DYNC1I1: variants seen among roughly 807,000 people sequenced by gnomAD.
The protein encoded by DYNC1I1 is cytoplasmic dynein 1 intermediate chain 1.
A neutral mutation model predicts 86.6 loss-of-function variants in DYNC1I1; 43 were observed. The ratio of observed to expected loss-of-function variants is 0.50; its 90% CI spans 0.39 to 0.64. The LOEUF is 0.64. Ranked by LOEUF, DYNC1I1 falls within the 30% of genes least tolerant of loss-of-function variation. DYNC1I1 has a pLI of 0.00. For missense variants in DYNC1I1, 604 were observed against 788.8 expected (o/e 0.77, Z 2.81); for synonymous variants, 262 against 283.7 (o/e 0.92, Z 0.77).
At chr7:95,791,216 G>A (rs1385093794) in intron 1 of DYNC1I1, among the ~76,000 whole-genome samples, 2 of 152,006 alleles carry the variant, frequency 1.3e-5, no homozygotes, top group African/African-American at 4.8e-5. Flanking sequence ...TAATATGATA[G>A]TTTAAATTTG....
At chr7:95,938,025 G>A (rs903284360) in intron 6 of DYNC1I1, among the ~76,000 whole-genome samples, 4 of 151,914 alleles carry the variant, frequency 2.6e-5, no homozygotes, top group East Asian at 3.9e-4. Flanking sequence ...TATTACTTGG[G>A]CCCACTTCTT....
intron 6 of DYNC1I1, among the ~76,000 whole-genome samples, chr7:95,928,072 A>G (rs1384698567): frequency 5.9e-5 from 9 of 152,226 alleles, no homozygotes. Flanking sequence ...ACCCTACATT[A>G]TGGAAGAACA....
intron 6 of DYNC1I1, among the ~76,000 whole-genome samples, chr7:95,939,173 A>G (rs1302929356): frequency 1.3e-5 from 2 of 152,108 alleles, no homozygotes; most frequent in Non-Finnish European, 2.9e-5. Flanking sequence ...AGTTTGTTAT[A>G]ATTTCTGATC....
At chr7:95,994,858 C>T (rs531571031) in intron 9 of DYNC1I1, among the ~76,000 whole-genome samples, 17 of 152,184 alleles carry the variant, frequency 1.1e-4, no homozygotes, top group African/African-American at 4.1e-4. Context: ...ATTAATTTAG[C>T]AGGCTCTGAC....
chr7:96,053,453 T>C (rs918800834), intron 14 of DYNC1I1, among the ~76,000 whole-genome samples: 2 of 152,188 alleles, frequency 1.3e-5, no homozygotes, highest in African/African-American at 4.8e-5. Context: ...GTTTTTAAAT[T>C]TGGGGGGCCA....
At chr7:96,053,929 T>G (rs1172285013) in intron 14 of DYNC1I1, among the ~76,000 whole-genome samples, 1 of 152,220 alleles carries the variant, frequency 6.6e-6, no homozygotes, top group Non-Finnish European at 1.5e-5. Context: ...TTGTAAAGAA[T>G]AGATATAATA....
intron 10 of DYNC1I1, among the ~76,000 whole-genome samples, chr7:96,012,884 T>A (rs1269661477): frequency 2.6e-5 from 4 of 152,138 alleles, no homozygotes; most frequent in African/African-American, 9.7e-5. Context: ...AGGATCTTTT[T>A]TTATTATTTT....
intron 6 of DYNC1I1, among the ~76,000 whole-genome samples, chr7:95,884,341 A>G (rs963576056): frequency 6.6e-6 from 1 of 152,060 alleles, no homozygotes; most frequent in African/African-American, 2.4e-5. Flanking sequence ...AGATTGGAGG[A>G]GCTCACCTCA....
chr7:95,951,070 T>C (rs188607212), intron 6 of DYNC1I1, among the ~76,000 whole-genome samples: 1 of 152,360 alleles, frequency 6.6e-6, no homozygotes, highest in East Asian at 1.9e-4. Context: ...ATTAAAGTTT[T>C]CATAAATATC....
At chr7:95,861,572 A>G (rs1789879287) in intron 5 of DYNC1I1, among the ~76,000 whole-genome samples, 1 of 152,162 alleles carries the variant, frequency 6.6e-6, no homozygotes, top group Admixed American at 6.5e-5. Flanking sequence ...CAGTGCTGTC[A>G]TATTCCTTTA....
chr7:96,041,431 CAT>C (rs1363242174), intron 14 of DYNC1I1, among the ~76,000 whole-genome samples: 2 of 152,126 alleles, frequency 1.3e-5, no homozygotes, highest in African/African-American at 4.8e-5. Flanking sequence ...AAAAATAATA[CAT>C]GTTTTAACAG....
At chr7:95,867,813 C>G (rs1790053720) in intron 5 of DYNC1I1, among the ~76,000 whole-genome samples, 2 of 152,214 alleles carry the variant, frequency 1.3e-5, no homozygotes, top group Non-Finnish European at 2.9e-5. Flanking sequence ...GACTGATCTA[C>G]TGGGGCCTCA....
intron 6 of DYNC1I1, among the ~76,000 whole-genome samples, chr7:95,949,061 G>A (rs924346836): frequency 1.3e-5 from 2 of 152,132 alleles, no homozygotes; most frequent in African/African-American, 4.8e-5. Context: ...TGCAGAGGAG[G>A]GGATGTGGCC....
At chr7:95,831,429 G>C (rs1388855150) in intron 5 of DYNC1I1, among the ~76,000 whole-genome samples, 3 of 152,158 alleles carry the variant, frequency 2.0e-5, no homozygotes, top group Non-Finnish European at 4.4e-5. Flanking sequence ...CTGGAGTGCA[G>C]TGGTGTGATC....
At chr7:95,866,851 A>G (rs1190120214) in intron 5 of DYNC1I1, among the ~76,000 whole-genome samples, 1 of 152,232 alleles carries the variant, frequency 6.6e-6, no homozygotes, top group African/African-American at 2.4e-5. Context: ...TGATCAGTAC[A>G]TTGGGAAAAC....
chr7:96,032,774 T>A lies in DYNC1I1; in HGVS notation c.1224T>A (p.Thr408=). 3 of 1,612,552 alleles carry A rather than the reference T, an allele frequency of 1.9e-6. No individual in the cohort carries two copies. Among genetic ancestry groups the A allele is most frequent in the Non-Finnish European group, 2.5e-6 (3 of 1,179,112 alleles). The change falls in exon 12 of 17, where the codon ACT becomes ACA. Residue 408 remains threonine, a synonymous_variant. Coordinates refer to ENST00000447467, the MANE Select transcript of DYNC1I1 (RefSeq NM_001135556.2). ...CCTGGAGCCTGGACATGCTCTCAAC[T>A]CCACAGGTGGGTTTGTTTTTCCCTA... ...MCSWSLDMLS[T]PQESMELVYN...
intron 4 of DYNC1I1, among the ~76,000 whole-genome samples, chr7:95,822,051 G>A (rs559467418): frequency 1.3e-5 from 2 of 152,346 alleles, no homozygotes; most frequent in African/African-American, 2.4e-5. Context: ...CCACCAACTT[G>A]TTGTTGGTAA....
intron 16 of DYNC1I1, among the ~76,000 whole-genome samples, chr7:96,090,506 T>A (rs1006922361): frequency 2.2e-5 from 3 of 139,260 alleles, no homozygotes; most frequent in Non-Finnish European, 4.6e-5. Flanking sequence ...ATGGATTTTT[T>A]AAAAAGTGTT....
intron 6 of DYNC1I1, among the ~76,000 whole-genome samples, chr7:95,880,311 T>G (rs1252234379): frequency 2.0e-5 from 3 of 152,106 alleles, no homozygotes; most frequent in Non-Finnish European, 4.4e-5. Context: ...TGGAATACTC[T>G]TAGCTTCTTG....
Sources: gnomAD v4.1 joint callset for allele counts (sites outside exome capture counted in the v4.1 genomes callset) on GRCh38, gnomAD v4.1.1 for gene constraint, MANE v1.5 for transcripts, NCBI Gene and HGNC (gene_info 2026-07-23, HGNC 2026-07-21) for gene names.